GABRA6: variants seen among roughly 807,000 people sequenced by gnomAD.
GABRA6 encodes gamma-aminobutyric acid type A receptor subunit alpha6.
In GABRA6, 45 loss-of-function variants were observed where a neutral mutation model predicts 47.3. That is an observed-to-expected ratio of 0.95 (90% CI 0.75 to 1.22). The LOEUF (loss-of-function observed/expected upper bound fraction) is 1.22, where lower values mean the gene tolerates loss of function less well. GABRA6 is among the 50% of genes most tolerant of loss of function. The pLI is 0.00. For synonymous variants in GABRA6, 219 were observed against 194.7 expected (o/e 1.12, Z -1.04); for missense variants, 583 against 549.3 (o/e 1.06, Z -0.61).
Position 161,689,012 on chromosome 5 carries a change from C to A in GABRA6, c.289C>A (p.Pro97Thr). The change falls in exon 4 of 9, where the codon CCA (proline) becomes ACA (threonine). Residue 97 changes from proline (P) to threonine (T), a missense_variant. By Grantham distance (38) the Pro-to-Thr change is conservative. Coordinates refer to ENST00000274545, the MANE Select transcript of GABRA6 (RefSeq NM_000811.3). ...WTDERLKFGG[P>T]TEILSLNNLM... Reference sequence around the variant, plus strand: ...TGATGAGAGGTTGAAGTTTGGGGGGCCAACTGAGATTCTGAGTCTGAATAA... The same window carrying A: ...TGATGAGAGGTTGAAGTTTGGGGGGACAACTGAGATTCTGAGTCTGAATAA... 1 of 1,613,866 alleles carries A rather than the reference C, an allele frequency of 6.2e-7. No homozygotes were observed. The highest frequency in any genetic ancestry group is 8.5e-7 in the Non-Finnish European group (1 of 1,179,912).
chr5:161,696,973 A>T (rs1171554505), intron 8 of GABRA6, among the ~76,000 whole-genome samples: 1 of 152,142 alleles, frequency 6.6e-6, no homozygotes, highest in African/African-American at 2.4e-5. Flanking sequence ...TACCTCTCAG[A>T]CCTACTGAGA....
At position 161,689,048 on chromosome 5, in the gene GABRA6, A is replaced by C. The variant is rs370279978; in HGVS notation, c.325A>C (p.Ser109Arg). 1.2e-6 allele frequency: 2 copies of C among 1,613,966 alleles called. No individual in the cohort carries two copies. Among genetic ancestry groups the C allele is most frequent in the African/African-American group, 2.7e-5 (2 of 74,918 alleles). ...TCTGAGTCTGAATAATTTGATGGTC[A>C]GTAAAATCTGGACGCCTGACACCTT... ...EILSLNNLMV[S>R]KIWTPDTFFR... The change falls in exon 4 of 9, where the codon AGT (serine) becomes CGT (arginine). Residue 109 changes from serine (S) to arginine (R), a missense_variant. Coordinates refer to ENST00000274545, the MANE Select transcript of GABRA6 (RefSeq NM_000811.3).
At chr5:161,688,006 A>G (rs1329062277) in intron 3 of GABRA6, among the ~76,000 whole-genome samples, 1 of 152,146 alleles carries the variant, frequency 6.6e-6, no homozygotes, top group East Asian at 1.9e-4. Context: ...TCGTGTTCTA[A>G]GCCACTCCAA....
chr5:161,691,470 T>A (rs1364408903), intron 7 of GABRA6, among the ~76,000 whole-genome samples: 1 of 151,784 alleles, frequency 6.6e-6, no homozygotes, highest in East Asian at 1.9e-4. Context: ...TAATTTTTTG[T>A]ATTTTTAGTA....
At position 161,689,728 on chromosome 5, in the gene GABRA6, T is replaced by G. The variant is rs925743412; in HGVS notation, c.622T>G (p.Tyr208Asp). 6 of 1,613,148 alleles carry G rather than the reference T, an allele frequency of 3.7e-6. No individual in the cohort carries two copies. In the Admixed American group the frequency reaches 1.0e-4, roughly 27 times the overall value. Residue 208 changes from tyrosine to aspartate, a missense_variant, in exon 6 of 9, where the codon TAT (tyrosine) becomes GAT (aspartate). Physicochemically the swap from Tyr to Asp is radical, Grantham distance 160 (BLOSUM62 -3). Coordinates refer to ENST00000274545, the MANE Select transcript of GABRA6 (RefSeq NM_000811.3). ...AGAAGAATCTTCAAGCCTTCTCCAG[T>G]ATGATCTGATTGGACAAACAGTATC... ...VPEESSSLLQYDLIGQTVSSE... is the reference protein window; with the variant it reads ...VPEESSSLLQDDLIGQTVSSE...
intron 7 of GABRA6, 83 bp from the exon 8 acceptor site, chr5:161,691,858 C>T (rs1031871213): frequency 1.6e-6 from 2 of 1,281,514 alleles, no homozygotes; most frequent in Non-Finnish European, 2.2e-6. Flanking sequence ...AGTTTTTTGT[C>T]TTCTCCTCTG....
intron 8 of GABRA6, among the ~76,000 whole-genome samples, chr5:161,700,500 CAG>C (rs1561727806): frequency 6.6e-6 from 1 of 152,164 alleles, no homozygotes. Context: ...CAAACAGAAT[CAG>C]AGTCTCTGAA....
At chr5:161,692,231 C>T (rs759042199) in intron 8 of GABRA6, 31 bp downstream of exon 8, 1 of 1,613,740 alleles carries the variant, frequency 6.2e-7, no homozygotes, top group Non-Finnish European at 8.5e-7. Flanking sequence ...TCATTACCTA[C>T]CGTAGGAAAA....
intron 8 of GABRA6, among the ~76,000 whole-genome samples, chr5:161,694,333 C>A (rs1754852175): frequency 6.7e-6 from 1 of 148,476 alleles, no homozygotes. Flanking sequence ...TCGTCAAAAA[C>A]AGAAAAAAAA....
chr5:161,694,077 T>C (rs1466674074), intron 8 of GABRA6, among the ~76,000 whole-genome samples: 3 of 152,192 alleles, frequency 2.0e-5, no homozygotes, highest in African/African-American at 7.2e-5. Flanking sequence ...TCTGCAGACT[T>C]GCTCCACAAT....
At chr5:161,699,439 A>C (rs1433434133) in intron 8 of GABRA6, among the ~76,000 whole-genome samples, 1 of 152,152 alleles carries the variant, frequency 6.6e-6, no homozygotes, top group Non-Finnish European at 1.5e-5. Context: ...AACATGATAG[A>C]AAATTCTTGA....
chr5:161,689,100 C>T lies in GABRA6; in HGVS notation c.377C>T (p.Ala126Val), dbSNP rs983528839. The T allele has an allele frequency of 1.9e-6, 3 of 1,613,908 alleles. No individual in the cohort carries two copies. In the African/African-American group the frequency reaches 4.0e-5, roughly 22 times the overall value. ...TFFRNGKKSI[A>V]HNMTTPNKLF... ...TTCAGAAATGGTAAAAAGTCCATTG[C>T]TCACAACATGACAACTCCTAATAAA... The change falls in exon 4 of 9, where the codon GCT (alanine) becomes GTT (valine). Residue 126 changes from alanine to valine, a missense_variant. Coordinates refer to ENST00000274545, the MANE Select transcript of GABRA6 (RefSeq NM_000811.3).
intron 3 of GABRA6, among the ~76,000 whole-genome samples, chr5:161,687,808 A>G (rs1211165303): frequency 6.6e-6 from 1 of 152,166 alleles, no homozygotes; most frequent in Non-Finnish European, 1.5e-5. Flanking sequence ...GATGTAAAGA[A>G]AGGAAAAAGG....
Position 161,686,023 on chromosome 5 carries a change from C to T in GABRA6, c.34C>T (p.Leu12=), listed in dbSNP as rs749514674. 1 of 1,613,648 alleles carries T rather than the reference C, an allele frequency of 6.2e-7. No homozygotes were observed. The highest frequency in any genetic ancestry group is 8.5e-7 in the Non-Finnish European group (1 of 1,179,606). ...ASSLPWLCII[L]WLENALGKLE... ...GTCTCTGCCCTGGCTGTGCATTATT[C>T]TGTGGTGAGTAAGATCCTTTTTCCT... Residue 12 remains leucine, a synonymous_variant, in exon 1 of 9, where the codon CTG becomes TTG. Transcript: ENST00000274545.
chr5:161,689,122 T>C lies in GABRA6; in HGVS notation c.399T>C (p.Asn133=), dbSNP rs972709552. 6 of 1,613,960 alleles carry C rather than the reference T, an allele frequency of 3.7e-6. No individual in the cohort carries two copies. The African/African-American group carries it at 4.0e-5, about 11-fold the overall frequency. Residue 133 remains asparagine (N), a synonymous_variant, in exon 4 of 9, where the codon AAT becomes AAC. Coordinates refer to ENST00000274545, the MANE Select transcript of GABRA6 (RefSeq NM_000811.3). ...TTGCTCACAACATGACAACTCCTAA[T>C]AAACTCTTCAGAATAATGCAGAATG... ...KSIAHNMTTP[N]KLFRIMQNGT...
At chr5:161,700,181 C>T (rs1754956509) in intron 8 of GABRA6, among the ~76,000 whole-genome samples, 1 of 152,202 alleles carries the variant, frequency 6.6e-6, no homozygotes, top group South Asian at 2.1e-4. Flanking sequence ...CATTTTGGTC[C>T]TGTGGCTCAA....
chr5:161,699,526 G>T (rs1228599867), intron 8 of GABRA6, among the ~76,000 whole-genome samples: 1 of 148,350 alleles, frequency 6.7e-6, no homozygotes, highest in Non-Finnish European at 1.5e-5. Context: ...ACAGCCTGGT[G>T]ATCCTGGGCA....
chr5:161,693,584 G>A (rs1253808784), intron 8 of GABRA6, among the ~76,000 whole-genome samples: 1 of 152,024 alleles, frequency 6.6e-6, no homozygotes, highest in East Asian at 1.9e-4. Context: ...GCTGAGTTGG[G>A]AGGATCACTT....
intron 8 of GABRA6, among the ~76,000 whole-genome samples, chr5:161,695,909 C>T (rs1270608763): frequency 1.3e-5 from 2 of 151,824 alleles, no homozygotes; most frequent in Admixed American, 1.3e-4. Flanking sequence ...TGTGCCAGGC[C>T]TTTTGTAGAG....
Sources: gnomAD v4.1 joint callset for allele counts (sites outside exome capture counted in the v4.1 genomes callset) on GRCh38, gnomAD v4.1.1 for gene constraint, MANE v1.5 for transcripts, NCBI Gene and HGNC (gene_info 2026-07-23, HGNC 2026-07-21) for gene names.